The following NOL4 variants were observed in gnomAD, a reference collection of about 807,000 sequenced individuals.
The protein encoded by NOL4 is cancer/testis antigen 125.
A neutral mutation model predicts 75.9 loss-of-function variants in NOL4; 17 were observed. That is an observed-to-expected ratio of 0.22 (90% CI 0.15 to 0.34). The LOEUF is 0.34. Ranked by LOEUF, NOL4 falls within the 10% of genes least tolerant of loss-of-function variation. NOL4 has a pLI of 1.00. For missense variants in NOL4, 614 were observed against 793.5 expected, an observed-to-expected ratio of 0.77 and a Z score of 2.72; for synonymous variants, 292 against 289.9, an observed-to-expected ratio of 1.01 and a Z score of -0.07.
chr18:34,112,427 A>C lies in NOL4; in HGVS notation c.415-7267T>G, dbSNP rs187829900. On this transcript the variant is annotated intron_variant, in intron 2 of 10. Transcript: ENST00000261592. ...GTCTACTGATGAATGGATAAAGAAA[A>C]CATGATATAAAATATATATCAATAT... Among the ~76,000 whole-genome samples, 100 of 152,132 alleles carry C rather than the reference A, an allele frequency of 6.6e-4. 2 individuals carry two copies. In the East Asian group the frequency reaches 0.01, roughly 15 times the overall value.
At position 33,941,315 on chromosome 18, in the gene NOL4, T is replaced by C. The variant is rs553216768; in HGVS notation, c.1542+1750A>G. Among the ~76,000 whole-genome samples, 7 of 152,066 alleles carry C rather than the reference T, an allele frequency of 4.6e-5. No homozygotes were observed. In the South Asian group the frequency reaches 1.5e-3, roughly 32 times the overall value. On this transcript the variant is annotated intron_variant, in intron 9 of 10. Transcript: ENST00000261592. Reference sequence around the variant, plus strand: ...TATATAATATGAATAAGTCATTTAATTTTTATAACAACTCCACATGATTAA... The same window carrying C: ...TATATAATATGAATAAGTCATTTAACTTTTATAACAACTCCACATGATTAA...
chr18:34,212,800 A>G (rs1459279096), intron 1 of NOL4, among the ~76,000 whole-genome samples: 5 of 152,146 alleles, frequency 3.3e-5, no homozygotes, highest in Non-Finnish European at 5.9e-5. Context: ...CTCAGCTCTT[A>G]ACCACATGCC....
chr18:34,067,589 T>C (rs1313217057), intron 5 of NOL4, among the ~76,000 whole-genome samples: 1 of 152,140 alleles, frequency 6.6e-6, no homozygotes, highest in Non-Finnish European at 1.5e-5. Flanking sequence ...GTTCAGATTT[T>C]AGGTACATTA....
chr18:33,853,653 A>G (rs1471117557), intron 10 of NOL4, among the ~76,000 whole-genome samples: 2 of 152,072 alleles, frequency 1.3e-5, no homozygotes, highest in Non-Finnish European at 2.9e-5. Context: ...TAGTATTAAA[A>G]GTGTTGACAT....
intron 6 of NOL4, among the ~76,000 whole-genome samples, chr18:34,008,684 A>G (rs981537900): frequency 2.0e-5 from 3 of 151,790 alleles, no homozygotes; most frequent in Non-Finnish European, 4.4e-5. Context: ...CTCCTTAATC[A>G]CCATAATGGA....
intron 1 of NOL4, among the ~76,000 whole-genome samples, chr18:34,215,625 G>A (rs57489851): frequency 0.021 from 3,138 of 152,216 alleles, 88 homozygotes; most frequent in African/African-American, 0.071. Flanking sequence ...TCAGCTCGGA[G>A]GACCTCGGAT....
intron 1 of NOL4, among the ~76,000 whole-genome samples, chr18:34,174,904 C>A (rs576649982): frequency 6.6e-6 from 1 of 152,242 alleles, no homozygotes; most frequent in Admixed American, 6.5e-5. Context: ...CTATGTGCCA[C>A]ATTTTCTTTA....
chr18:34,122,278 C>T (rs2080178808), intron 2 of NOL4, among the ~76,000 whole-genome samples: 1 of 152,052 alleles, frequency 6.6e-6, no homozygotes, highest in South Asian at 2.1e-4. Flanking sequence ...CTTTACTTAT[C>T]ATAAGACAAC....
Position 33,883,274 on chromosome 18 carries a change from G to C in NOL4, c.1693C>G (p.Leu565Val). 1 of 1,606,090 alleles carries C rather than the reference G, an allele frequency of 6.2e-7. No individual in the cohort carries two copies. Among genetic ancestry groups the C allele is most frequent in the Non-Finnish European group, 8.5e-7 (1 of 1,177,072 alleles). Residue 565 changes from leucine to valine, a missense_variant, in exon 10 of 11, where the codon CTG becomes GTG. By Grantham distance (32) the Leu-to-Val change is conservative (BLOSUM62 1). This residue lies in a region of NOL4 where 128 missense variants were observed against 159.9 expected (regional missense o/e 0.80). Coordinates refer to ENST00000261592, the MANE Select transcript of NOL4 (RefSeq NM_003787.5). ...CTGGAAGCATCATTCAGATTTAGCA[G>C]ACCCCCTCCTAGCCCTCTGTAACTA... ...YHSYRGLGGG[L>V]LNLNDASSSG...
intron 8 of NOL4, among the ~76,000 whole-genome samples, chr18:33,949,948 A>T (rs561172487): frequency 1.3e-5 from 2 of 152,094 alleles, no homozygotes; most frequent in Admixed American, 1.3e-4. Flanking sequence ...AACATGCTTT[A>T]ATTTTAACTA....
At chr18:34,060,230 AC>A (rs1319747042) in intron 5 of NOL4, among the ~76,000 whole-genome samples, 15 of 152,190 alleles carry the variant, frequency 9.9e-5, no homozygotes, top group African/African-American at 3.6e-4. Context: ...AGTCCCTGGA[AC>A]AGCACTTTCT....
chr18:34,046,607 CATATATAT>C lies in NOL4; in HGVS notation c.773-27014_773-27007del, dbSNP rs35281852. ...TTTTAAAATTTACTATTTACTTATA[CATATATAT>C]ATATATATATATATATATATATGTA... On this transcript the variant is annotated intron_variant, in intron 5 of 10. Coordinates refer to ENST00000261592, the MANE Select transcript of NOL4 (RefSeq NM_003787.5). Among the ~76,000 whole-genome samples, 341 of 81,652 alleles carry C rather than the reference CATATATAT, an allele frequency of 4.2e-3. 9 individuals carry two copies. Among genetic ancestry groups the C allele is most frequent in the Admixed American group, 6.1e-3 (45 of 7,394 alleles). 53.6% of individuals were successfully genotyped at this position (81,652 alleles called of 152,430 possible).
In NOL4 at chr18:33,964,865, C is replaced by T. The variant is rs191920162; in HGVS notation, c.1057-6447G>A. Among the ~76,000 whole-genome samples the T allele has an allele frequency of 2.6e-3, 394 of 152,084 alleles. 1 individual carries two copies. Among genetic ancestry groups the T allele is most frequent in the Non-Finnish European group, 4.1e-3 (277 of 67,970 alleles). On this transcript the variant is annotated intron_variant, in intron 6 of 10. Coordinates refer to ENST00000261592, the MANE Select transcript of NOL4 (RefSeq NM_003787.5). ...CCAAAATATGAGACATTGGGCAGGGCAATTGACCTTGGTTTTGCAACAATT... is the reference window on the plus strand; with the variant it reads ...CCAAAATATGAGACATTGGGCAGGGTAATTGACCTTGGTTTTGCAACAATT...
intron 5 of NOL4, among the ~76,000 whole-genome samples, chr18:34,023,255 T>C (rs1411798136): frequency 2.0e-5 from 3 of 152,220 alleles, no homozygotes. Context: ...AGTAAGCAGA[T>C]ATTAAACTGA....
intron 1 of NOL4, among the ~76,000 whole-genome samples, chr18:34,153,919 C>T (rs866774952): frequency 6.6e-6 from 1 of 151,930 alleles, no homozygotes. Flanking sequence ...GGAAGTAAAT[C>T]GGACCCATTA....
intron 6 of NOL4, among the ~76,000 whole-genome samples, chr18:34,008,776 C>T (rs1261531629): frequency 6.6e-6 from 1 of 151,906 alleles, no homozygotes; most frequent in Non-Finnish European, 1.5e-5. Flanking sequence ...TTGCCTACAC[C>T]TTGCCTGAAA....
At chr18:34,154,235 T>TA (rs986904320) in intron 1 of NOL4, among the ~76,000 whole-genome samples, 2 of 152,058 alleles carry the variant, frequency 1.3e-5, no homozygotes, top group South Asian at 2.1e-4. Context: ...GACAAGTCTT[T>TA]AAAAAAATAA....
rs780780001 is a variant in NOL4 at position 33,883,419 on chromosome 18, C to G, written c.1548G>C (p.Glu516Asp). The change falls in exon 10 of 11, where the codon GAG (glutamate) becomes GAC (aspartate). Residue 516 changes from glutamate (E) to aspartate (D), a missense_variant. Glu to Asp is a conservative substitution (Grantham distance 45). Around this residue, in one of 9 missense-constraint regions of NOL4, gnomAD observed 128 missense variants for 159.9 expected, o/e 0.80. Coordinates refer to ENST00000261592, the MANE Select transcript of NOL4 (RefSeq NM_003787.5). Reference protein sequence around the residue: ...KRMRLERQQDESAPADKQCKP... With the variant: ...KRMRLERQQDDSAPADKQCKP... ...TACACTGTTTGTCAGCTGGAGCAGA[C>G]TCATCCTGCAAGGACAGACAGCATT... 1.9e-6 allele frequency: 3 copies of G among 1,605,722 alleles called. No individual in the cohort carries two copies. The Admixed American group carries it at 5.1e-5, about 27-fold the overall frequency.
chr18:34,124,195 G>A (rs1373100843), intron 2 of NOL4, among the ~76,000 whole-genome samples: 3 of 152,098 alleles, frequency 2.0e-5, no homozygotes, highest in African/African-American at 7.2e-5. Flanking sequence ...CTACAGAAAT[G>A]AAATTAAGTT....
Sources: allele counts gnomAD v4.1 joint callset (sites outside exome capture counted in the v4.1 genomes callset), GRCh38; gene constraint gnomAD v4.1.1; regional missense constraint gnomAD v4.1.1; transcripts MANE v1.5; gene names NCBI Gene and HGNC (gene_info 2026-07-23, HGNC 2026-07-21).